Variants in OPHN1 observed in about 807,000 individuals in gnomAD.
OPHN1 encodes oligophrenin 1, also known as oligophrenin-1.
A neutral mutation model predicts 60.7 loss-of-function variants in OPHN1; 11 were observed. The observed-to-expected ratio is 0.18, with a 90% CI of 0.11 to 0.30. The LOEUF is 0.30. Ranked by LOEUF, OPHN1 falls within the 10% of genes least tolerant of loss-of-function variation. OPHN1 has a pLI of 1.00. For synonymous variants in OPHN1, 226 were observed against 222.6 expected, an observed-to-expected ratio of 1.02 and a Z score of -0.14; for missense variants, 449 against 611.0, an observed-to-expected ratio of 0.73 and a Z score of 2.80.
chrX:68,413,731 C>A (rs892900629), intron 2 of OPHN1, among the ~76,000 whole-genome samples: 4 of 52,531 alleles, frequency 7.6e-5, no homozygotes, highest in African/African-American at 2.0e-4. Flanking sequence ...TATAATGAGA[C>A]CCCCATCTCT....
intron 14 of OPHN1, 35 bp downstream of exon 14, chrX:68,193,855 T>C (rs764227707): frequency 8.9e-7 from 1 of 1,122,278 alleles, no homozygotes; most frequent in South Asian, 1.8e-5. Flanking sequence ...AGTGACGAGA[T>C]TCAGACAATG....
At chrX:68,065,196 A>G (rs1415030802) in intron 20 of OPHN1, among the ~76,000 whole-genome samples, 2 of 111,675 alleles carry the variant, frequency 1.8e-5, no homozygotes, top group South Asian at 3.8e-4. Flanking sequence ...CCTGAGATAT[A>G]TATCAACCAA....
At chrX:68,215,821 A>G (rs1454682997) in intron 6 of OPHN1, among the ~76,000 whole-genome samples, 1 of 111,881 alleles carries the variant, frequency 8.9e-6, no homozygotes, top group African/African-American at 3.2e-5. Flanking sequence ...CCTCAAACAA[A>G]CAAAAATTAA....
At chrX:68,284,848 T>C (rs2078033876) in intron 3 of OPHN1, among the ~76,000 whole-genome samples, 1 of 112,160 alleles carries the variant, frequency 8.9e-6, no homozygotes, top group South Asian at 3.7e-4. Context: ...ACAAGTTTTA[T>C]GTGAATGTAC....
At chrX:68,287,837 A>T (rs1691052701) in intron 3 of OPHN1, among the ~76,000 whole-genome samples, 1 of 111,904 alleles carries the variant, frequency 8.9e-6, no homozygotes, top group African/African-American at 3.3e-5. Flanking sequence ...AAAAAAGTTG[A>T]TTTTGGAAAT....
intron 20 of OPHN1, among the ~76,000 whole-genome samples, chrX:68,072,703 G>A (rs1365018478): frequency 9.0e-6 from 1 of 111,625 alleles, no homozygotes; most frequent in Non-Finnish European, 1.9e-5. Flanking sequence ...TCCACTGAAG[G>A]CATTTATTTC....
At chrX:68,228,386 G>A (rs2077708500) in intron 6 of OPHN1, among the ~76,000 whole-genome samples, 1 of 110,801 alleles carries the variant, frequency 9.0e-6, no homozygotes, top group Non-Finnish European at 1.9e-5. Flanking sequence ...GAAAAAGAGG[G>A]AATCCTCCCT....
intron 2 of OPHN1, among the ~76,000 whole-genome samples, chrX:68,392,607 C>A (rs927629750): frequency 9.1e-6 from 1 of 110,003 alleles, no homozygotes; most frequent in Non-Finnish European, 1.9e-5. Context: ...CCTGTTTTCA[C>A]GCCCAAAACA....
chrX:68,345,040 T>C (rs1438316755), intron 2 of OPHN1, among the ~76,000 whole-genome samples: 1 of 112,342 alleles, frequency 8.9e-6, no homozygotes, highest in Non-Finnish European at 1.9e-5. Context: ...ATACCTATTG[T>C]CATAATGTGC....
At chrX:68,382,135 G>A (rs1445894722) in intron 2 of OPHN1, among the ~76,000 whole-genome samples, 2 of 111,046 alleles carry the variant, frequency 1.8e-5, no homozygotes, top group East Asian at 5.7e-4. Context: ...ATCATTTGAG[G>A]TCAGGAGTTC....
intron 15 of OPHN1, among the ~76,000 whole-genome samples, chrX:68,134,277 G>A (rs1569222122): frequency 1.8e-5 from 2 of 111,859 alleles, no homozygotes; most frequent in Non-Finnish European, 1.9e-5. Flanking sequence ...ACAGTGGATT[G>A]TTTTTATGTG....
intron 2 of OPHN1, among the ~76,000 whole-genome samples, chrX:68,388,851 A>G (rs2078637994): frequency 9.0e-6 from 1 of 111,671 alleles, no homozygotes; most frequent in African/African-American, 3.3e-5. Flanking sequence ...AAACTGAATT[A>G]AGTTTATAAT....
intron 5 of OPHN1, among the ~76,000 whole-genome samples, chrX:68,250,087 T>C (rs1038313275): frequency 1.8e-5 from 2 of 112,220 alleles, no homozygotes; most frequent in Non-Finnish European, 3.8e-5. Flanking sequence ...ATGGGGTCAC[T>C]GGCTCTTAAT....
At chrX:68,191,743 G>A (rs993113006) in intron 15 of OPHN1, among the ~76,000 whole-genome samples, 4 of 111,880 alleles carry the variant, frequency 3.6e-5, no homozygotes, top group African/African-American at 1.3e-4. Context: ...CTCAGCTGAA[G>A]AGATAAGGAT....
At chrX:68,384,518 G>A (rs1279524367) in intron 2 of OPHN1, among the ~76,000 whole-genome samples, 6 of 111,774 alleles carry the variant, frequency 5.4e-5, no homozygotes, top group South Asian at 3.8e-4. Context: ...TCAGGAGTTC[G>A]AGACCAGCCT....
intron 2 of OPHN1, among the ~76,000 whole-genome samples, chrX:68,328,948 G>A (rs2078281644): frequency 8.9e-6 from 1 of 111,987 alleles, no homozygotes; most frequent in African/African-American, 3.2e-5. Flanking sequence ...ATGGAGTCTC[G>A]CTCTTGTTGC....
intron 16 of OPHN1, among the ~76,000 whole-genome samples, chrX:68,113,593 C>T (rs889199689): frequency 9.0e-6 from 1 of 111,010 alleles, no homozygotes; most frequent in Non-Finnish European, 1.9e-5. Flanking sequence ...TGCAATTGTC[C>T]TCCCAATAAT....
At chrX:68,227,127 T>C (rs1173192844) in intron 6 of OPHN1, among the ~76,000 whole-genome samples, 2 of 110,991 alleles carry the variant, frequency 1.8e-5, no homozygotes, top group African/African-American at 6.6e-5. Flanking sequence ...ATAAAACAGA[T>C]TTTAAACCAA....
At chrX:68,292,541 T>C (rs1222679357) in intron 3 of OPHN1, among the ~76,000 whole-genome samples, 1 of 111,002 alleles carries the variant, frequency 9.0e-6, no homozygotes, top group Non-Finnish European at 1.9e-5. Context: ...ACTGCCATTT[T>C]AAGTCCTTTC....
Sources: gnomAD v4.1 joint callset for allele counts (sites outside exome capture counted in the v4.1 genomes callset) on GRCh38, gnomAD v4.1.1 for gene constraint, MANE v1.5 for transcripts, NCBI Gene and HGNC (gene_info 2026-07-23, HGNC 2026-07-21) for gene names.